The following CABIN1 variants were observed in gnomAD, a reference collection of about 807,000 sequenced individuals.
The protein encoded by CABIN1 is calcineurin-binding protein cabin-1.
In CABIN1, 133 loss-of-function variants were observed where a neutral mutation model predicts 227.7. That is an observed-to-expected ratio of 0.58 (90% CI 0.51 to 0.67). The LOEUF (loss-of-function observed/expected upper bound fraction) is 0.67. CABIN1 is among the 30% of genes least tolerant of loss of function. The pLI is 0.00. For missense variants in CABIN1, 2,408 were observed against 2,852.5 expected (o/e 0.84, Z 3.55); for synonymous variants, 1,086 against 1,155.1 (o/e 0.94, Z 1.21).
chr22:24,169,074 G>C (rs747735306), intron 33 of CABIN1, among the ~76,000 whole-genome samples: 4 of 152,094 alleles, frequency 2.6e-5, no homozygotes, highest in South Asian at 2.1e-4. Flanking sequence ...GCTGGGGAGG[G>C]GGGGGCGGGG....
At chr22:24,121,464 A>T (rs368304954) in intron 28 of CABIN1, among the ~76,000 whole-genome samples, 3 of 152,334 alleles carry the variant, frequency 2.0e-5, no homozygotes, top group East Asian at 3.9e-4. Flanking sequence ...AACGATGGCC[A>T]GCTCCGGCTT....
At chr22:24,141,481 A>G (rs568228912) in intron 29 of CABIN1, among the ~76,000 whole-genome samples, 2 of 152,330 alleles carry the variant, frequency 1.3e-5, no homozygotes, top group South Asian at 4.1e-4. Flanking sequence ...GGTCTCCAGG[A>G]CAAATGCCTG....
intron 16 of CABIN1, among the ~76,000 whole-genome samples, chr22:24,067,752 C>T (rs2039794322): frequency 6.6e-6 from 1 of 152,068 alleles, no homozygotes; most frequent in South Asian, 2.1e-4. Flanking sequence ...GAGCTCAGTT[C>T]CTCATTTCTA....
At chr22:24,102,898 T>C (rs1480580858) in intron 26 of CABIN1, 1 of 152,494 alleles carries the variant, frequency 6.6e-6, no homozygotes, top group African/African-American at 2.4e-5. Context: ...ACCCCCATTG[T>C]GGCCATCCAT....
chr22:24,014,245 C>T (rs1016868235), intron 1 of CABIN1, among the ~76,000 whole-genome samples: 6 of 152,200 alleles, frequency 3.9e-5, no homozygotes, highest in Admixed American at 3.3e-4. Flanking sequence ...ACTACCCTCT[C>T]TCTCTTTTAT....
At chr22:24,067,299 G>T in intron 16 of CABIN1, 118 bp downstream of exon 16, 3 of 1,044,168 alleles carry the variant, frequency 2.9e-6, no homozygotes, top group Non-Finnish European at 4.4e-6. Flanking sequence ...GAGAGTGGAT[G>T]TCAAAACCAC....
chr22:24,072,723 G>A (rs2040181011), intron 18 of CABIN1, among the ~76,000 whole-genome samples: 1 of 152,220 alleles, frequency 6.6e-6, no homozygotes, highest in Admixed American at 6.5e-5. Flanking sequence ...AGGCCTGGAT[G>A]TGTGAGCATT....
intron 3 of CABIN1, 130 bp downstream of exon 3, chr22:24,036,311 T>A: frequency 1.4e-6 from 1 of 734,446 alleles, no homozygotes; most frequent in Non-Finnish European, 2.5e-6. Flanking sequence ...GATGGCTAGC[T>A]CTCCATCTCC....
chr22:24,174,948 G>A (rs567939202), intron 34 of CABIN1, among the ~76,000 whole-genome samples: 13 of 152,258 alleles, frequency 8.5e-5, no homozygotes, highest in East Asian at 3.9e-4. Context: ...CAGGGGTAGC[G>A]GAGTAGGGGG....
chr22:24,176,378 G>T (rs1352202000), intron 35 of CABIN1, 103 bp downstream of exon 35: 40 of 1,311,666 alleles, frequency 3.0e-5, no homozygotes, highest in Non-Finnish European at 4.1e-5. Flanking sequence ...GCAGGGCCTG[G>T]GGATGCCCCA....
At chr22:24,113,444 AG>A in intron 26 of CABIN1, 121 bp from the exon 27 acceptor site, 1 of 909,196 alleles carries the variant, frequency 1.1e-6, no homozygotes, top group South Asian at 1.3e-5. Context: ...GGCTGTGTTC[AG>A]GCCATCTCCT....
intron 24 of CABIN1, among the ~76,000 whole-genome samples, chr22:24,093,410 G>A (rs2041679874): frequency 6.6e-6 from 1 of 152,176 alleles, no homozygotes; most frequent in Non-Finnish European, 1.5e-5. Context: ...AGGTGTGGTG[G>A]TGGAGGCCAG....
intron 8 of CABIN1, among the ~76,000 whole-genome samples, chr22:24,053,750 T>C (rs182325966): frequency 1.3e-5 from 2 of 152,254 alleles, no homozygotes; most frequent in East Asian, 3.9e-4. Context: ...CTGTGCTCTG[T>C]GCTAGGGGCG....
At chr22:24,092,863 A>G (rs911119821) in intron 24 of CABIN1, among the ~76,000 whole-genome samples, 2 of 152,136 alleles carry the variant, frequency 1.3e-5, no homozygotes, top group Admixed American at 6.6e-5. Context: ...ACATATAAAC[A>G]TATAGTAACA....
chr22:24,155,853 G>C, intron 29 of CABIN1: 1 of 428,074 alleles, frequency 2.3e-6, no homozygotes, highest in Non-Finnish European at 4.2e-6. Flanking sequence ...GCCCGGCAGC[G>C]GTCCACAGCC....
intron 19 of CABIN1, among the ~76,000 whole-genome samples, chr22:24,077,693 C>A (rs897356961): frequency 6.6e-6 from 1 of 152,204 alleles, no homozygotes; most frequent in Non-Finnish European, 1.5e-5. Context: ...TGCCTTCCCT[C>A]TGCCAACCAA....
At position 24,166,863 on chromosome 22, in the gene CABIN1, C is replaced by CG; in HGVS notation, c.5236dup (p.Glu1746GlyfsTer5). The CG allele has an allele frequency of 6.2e-7, 1 of 1,612,438 alleles. No homozygotes were observed. Among genetic ancestry groups the CG allele is most frequent in the Non-Finnish European group, 8.5e-7 (1 of 1,179,698 alleles). ...ATGCAGGAGACAGTGCAGACCAAAGCGGGGAGCGGAAGGATAAAGAGAGCC... is the reference window on the plus strand; with the variant it reads ...ATGCAGGAGACAGTGCAGACCAAAGCGGGGGAGCGGAAGGATAAAGAGAGCC... On this transcript the variant is annotated frameshift_variant, in exon 32 of 37. Transcript: ENST00000263119. LOFTEE classifies it high-confidence loss of function.
At chr22:24,164,359 A>G (rs2046328369) in intron 29 of CABIN1, 41 bp from the exon 30 acceptor site, 2 of 1,598,920 alleles carry the variant, frequency 1.3e-6, no homozygotes, top group African/African-American at 2.7e-5. Flanking sequence ...GGCTCCTGCC[A>G]CAACCACCCC....
intron 28 of CABIN1, among the ~76,000 whole-genome samples, chr22:24,128,872 G>A (rs143393243): frequency 1.3e-4 from 20 of 152,342 alleles, no homozygotes; most frequent in African/African-American, 4.8e-4. Context: ...CACACCTGGA[G>A]TCACCATGTA....
Sources: allele counts gnomAD v4.1 joint callset (sites outside exome capture counted in the v4.1 genomes callset), GRCh38; gene constraint gnomAD v4.1.1; transcripts MANE v1.5; gene names NCBI Gene and HGNC (gene_info 2026-07-23, HGNC 2026-07-21).